The following DSC3 variants were observed in gnomAD, a reference collection of about 807,000 sequenced individuals.
The protein encoded by DSC3 is desmocollin 3.
In DSC3, 97 loss-of-function variants were observed where a neutral mutation model predicts 89.5. The ratio of observed to expected loss-of-function variants is 1.08; its 90% CI spans 0.92 to 1.28. The LOEUF (loss-of-function observed/expected upper bound fraction) is 1.28. DSC3 is among the 50% of genes most tolerant of loss of function. The pLI, the probability that DSC3 is intolerant of heterozygous loss-of-function variation, is 0.00. For synonymous variants in DSC3, 436 were observed against 384.1 expected, an observed-to-expected ratio of 1.14 and a Z score of -1.58; for missense variants, 1,199 against 1,085.3, an observed-to-expected ratio of 1.10 and a Z score of -1.47.
Position 31,032,285 on chromosome 18 carries a change from T to A in DSC3, c.70-9A>T. ...CCAGCACGACTGAAGATCTAGAATT[T>A]AAAAGGTCACATTAATACAGTAGAA... is the stretch of plus-strand genomic sequence containing the variant. On this transcript the variant is annotated splice_polypyrimidine_tract_variant and intron_variant, in intron 1 of 15. Transcript: ENST00000360428. 1 of 1,594,608 alleles carries A rather than the reference T, an allele frequency of 6.3e-7. No individual in the cohort carries two copies.
At chr18:31,005,624 C>A (rs1324391247) in intron 12 of DSC3, among the ~76,000 whole-genome samples, 1 of 152,166 alleles carries the variant, frequency 6.6e-6, no homozygotes, top group Non-Finnish European at 1.5e-5. Context: ...TTCTTTTATG[C>A]ACATTATTAA....
intron 9 of DSC3, among the ~76,000 whole-genome samples, chr18:31,012,937 A>G (rs749391130): frequency 2.6e-5 from 4 of 152,150 alleles, no homozygotes; most frequent in Non-Finnish European, 4.4e-5. Flanking sequence ...AAATTAATAT[A>G]ATTGTAAAAA....
At chr18:31,020,443 G>A (rs1985379741) in intron 7 of DSC3, among the ~76,000 whole-genome samples, 1 of 152,202 alleles carries the variant, frequency 6.6e-6, no homozygotes, top group African/African-American at 2.4e-5. Context: ...GTTGCTGTTA[G>A]ATTTGCAAAA....
Position 30,997,002 on chromosome 18 carries a change from T to C in DSC3, c.2282A>G (p.Gln761Arg). ...TGATCCCATAGTACCACAAAAACCT[T>C]GGCTAGAGTTGTTGGTAGTTTGGGT... Reference protein sequence around the residue: ...FMTQTTNNSSQGFCGTMGSGM... With the variant: ...FMTQTTNNSSRGFCGTMGSGM... The change falls in exon 15 of 16, where the codon CAA (glutamine) becomes CGA (arginine). Residue 761 changes from glutamine (Q) to arginine (R), a missense_variant. Gln to Arg is a conservative substitution (Grantham distance 43). Transcript: ENST00000360428. The C allele has an allele frequency of 6.2e-7, 1 of 1,614,140 alleles. No homozygotes were observed. The highest frequency in any genetic ancestry group is 2.2e-5 in the East Asian group (1 of 44,862).
At chr18:31,007,208 A>G in intron 11 of DSC3, 77 bp from the exon 12 acceptor site, 1 of 979,132 alleles carries the variant, frequency 1.0e-6, no homozygotes, top group Non-Finnish European at 1.6e-6. Context: ...AGTCAATTAT[A>G]TTCTATACAT....
chr18:31,007,144 G>A lies in DSC3; in HGVS notation c.1664-13C>T, dbSNP rs181594891. 8,556 of 1,587,356 alleles carry A rather than the reference G, an allele frequency of 5.4e-3. 45 individuals are homozygous for A. Among genetic ancestry groups the A allele is most frequent in the Non-Finnish European group, 5.6e-3 (6,523 of 1,156,414 alleles). ...CATGATCTATCATCTAAGGAGACAG[G>A]AATAAGGTTTAGTGTTATTTTAAAA... On this transcript the variant is annotated splice_polypyrimidine_tract_variant and intron_variant, in intron 11 of 15. Transcript: ENST00000360428.
chr18:30,994,052 G>T lies in DSC3; in HGVS notation c.*123C>A. ...TTGCTTTAAAAATATAAATTGGTGA[G>T]TAGCATAATTCAAAATTGAGAAAAA... On this transcript the variant is annotated 3_prime_UTR_variant, in exon 16 of 16. Coordinates refer to ENST00000360428, the MANE Select transcript of DSC3 (RefSeq NM_001941.5). 3 of 958,652 alleles carry T rather than the reference G, an allele frequency of 3.1e-6. No individual in the cohort carries two copies. The highest frequency in any genetic ancestry group is 1.5e-5 in the South Asian group (1 of 67,998). 59.4% of individuals were successfully genotyped at this position (958,652 alleles called of 1,614,324 possible).
intron 1 of DSC3, among the ~76,000 whole-genome samples, chr18:31,036,465 CAG>C (rs1985971617): frequency 6.6e-6 from 1 of 152,040 alleles, no homozygotes; most frequent in African/African-American, 2.4e-5. Context: ...TTCTGATAAA[CAG>C]AGTGCTTCAA....
Position 31,042,670 on chromosome 18 carries a change from G to T in DSC3, c.-10C>A, listed in dbSNP as rs780928956. The T allele has an allele frequency of 5.8e-6, 9 of 1,548,474 alleles. No homozygotes were observed. The Admixed American group carries it at 7.9e-5, about 14-fold the overall frequency. On this transcript the variant is annotated 5_prime_UTR_variant, in exon 1 of 16. Coordinates refer to ENST00000360428, the MANE Select transcript of DSC3 (RefSeq NM_001941.5). ...GCCCAGCGGCGGCCATCGGGATGCC[G>T]GGCAGGGCCAGGAGAACGCGGGCGC...
chr18:31,022,465 A>C lies in DSC3; in HGVS notation c.813T>G (p.Asp271Glu). The C allele has an allele frequency of 1.2e-6, 2 of 1,614,066 alleles. No homozygotes were observed. Among genetic ancestry groups the C allele is most frequent in the Non-Finnish European group, 1.7e-6 (2 of 1,179,964 alleles). Residue 271 changes from aspartate (D) to glutamate (E), a missense_variant, in exon 7 of 16, where the codon GAT becomes GAG. By Grantham distance (45) the Asp-to-Glu change is conservative. Coordinates refer to ENST00000360428, the MANE Select transcript of DSC3 (RefSeq NM_001941.5). ...TVGVVCATDR[D>E]EPDTMHTRLK... ...GGCGCGTATGCATTGTGTCCGGTTC[A>C]TCTCTGTCTGTGGCACAAACCACCC...
chr18:31,023,262 T>C (rs973236040), intron 6 of DSC3, among the ~76,000 whole-genome samples: 1 of 152,178 alleles, frequency 6.6e-6, no homozygotes, highest in African/African-American at 2.4e-5. Context: ...GCTAAAAACA[T>C]TGTAGGTCAT....
rs1271557973 is a variant in DSC3 at position 31,031,104 on chromosome 18, T to G, written c.223A>C (p.Asn75His). 6.2e-7 allele frequency: 1 copy of G among 1,613,664 alleles called. No individual in the cohort carries two copies. The highest frequency in any genetic ancestry group is 1.3e-5 in the African/African-American group (1 of 74,922). The stretch of plus-strand genomic sequence containing the variant: ...CTGGCTGTGTACACTGACCCATCAT[T>G]TAGAACTCTGAAATCAGGATCACTT... ...RSSDPDFRVLNDGSVYTARAV... is the reference protein window; with the variant it reads ...RSSDPDFRVLHDGSVYTARAV... The change falls in exon 3 of 16, where the codon AAT (asparagine) becomes CAT (histidine). Residue 75 changes from asparagine to histidine, a missense_variant. Transcript: ENST00000360428.
chr18:31,042,564 C>T, intron 1 of DSC3, 28 bp downstream of exon 1: 1 of 1,549,214 alleles, frequency 6.5e-7, no homozygotes. Context: ...GTCCCCACCC[C>T]AGCCCTATCC....
rs1438806096 is a variant in DSC3 at position 30,990,521 on chromosome 18, A to G, written c.*3654T>C. The stretch of plus-strand genomic sequence containing the variant: ...AAAATGTAAGGCTTTTGATATAGCT[A>G]ATAGATTTTTGAAATGATCAGTCTT... On this transcript the variant is annotated 3_prime_UTR_variant, in exon 16 of 16. Transcript: ENST00000360428. 2 of 152,216 alleles carry G rather than the reference A, an allele frequency of 1.3e-5. No individual in the cohort carries two copies. Among genetic ancestry groups the G allele is most frequent in the East Asian group, 3.9e-4 (2 of 5,194 alleles). The allele number at this position is 152,216 out of a possible 1,614,324, so 9.4% of individuals were successfully genotyped here. A position where few individuals can be genotyped will look rare whatever the true frequency, so the allele number is the denominator to read the frequency against.
intron 1 of DSC3, among the ~76,000 whole-genome samples, chr18:31,036,938 G>T (rs1304488798): frequency 1.3e-5 from 2 of 151,508 alleles, no homozygotes; most frequent in African/African-American, 4.8e-5. Flanking sequence ...GATTACAGGC[G>T]CCTGCCACCA....
intron 15 of DSC3, among the ~76,000 whole-genome samples, chr18:30,994,952 G>A (rs1263508228): frequency 1.3e-5 from 2 of 152,168 alleles, no homozygotes; most frequent in East Asian, 1.9e-4. Context: ...AACTAGGTAG[G>A]ATTTACCACA....
At position 31,001,758 on chromosome 18, in the gene DSC3, A is replaced by G. The variant is rs773200941; in HGVS notation, c.2114-19T>C. On this transcript the variant is annotated intron_variant, in intron 13 of 15. Coordinates refer to ENST00000360428, the MANE Select transcript of DSC3 (RefSeq NM_001941.5). The stretch of plus-strand genomic sequence containing the variant: ...AATACAGCTGAATTTAAAAATAAAA[A>G]TAAAATAACTTACTTTAGCATACAT... 3 of 1,565,470 alleles carry G rather than the reference A, an allele frequency of 1.9e-6. No individual in the cohort carries two copies. The South Asian group carries it at 3.6e-5, about 19-fold the overall frequency.
At position 30,994,139 on chromosome 18, in the gene DSC3, A is replaced by G. The variant is rs752125554; in HGVS notation, c.*36T>C. 8.8e-6 allele frequency: 14 copies of G among 1,594,576 alleles called. No individual in the cohort carries two copies. In the Middle Eastern group the frequency reaches 5.0e-4, roughly 57 times the overall value. ...CAATATTATTTTTGGAAACCTCCAG[A>G]ATGTCTGACAAAGACCTAATTGTAG... On this transcript the variant is annotated 3_prime_UTR_variant, in exon 16 of 16. Transcript: ENST00000360428.
chr18:31,022,913 T>C (rs1985472057), intron 6 of DSC3, among the ~76,000 whole-genome samples: 1 of 152,152 alleles, frequency 6.6e-6, no homozygotes, highest in Non-Finnish European at 1.5e-5. Context: ...TGATTAGGGG[T>C]ATGCAGTAAT....
Sources: gnomAD v4.1 joint callset for allele counts (sites outside exome capture counted in the v4.1 genomes callset) on GRCh38, gnomAD v4.1.1 for gene constraint, MANE v1.5 for transcripts, NCBI Gene and HGNC (gene_info 2026-07-23, HGNC 2026-07-21) for gene names.